CDC27: variants seen among roughly 807,000 people sequenced by gnomAD.
CDC27 encodes the protein cell division cycle protein 27 homolog.
In CDC27, 27 loss-of-function variants were observed where a neutral mutation model predicts 109.7. The ratio of observed to expected loss-of-function variants is 0.25; its 90% CI spans 0.18 to 0.34. The LOEUF is 0.34. CDC27 is among the 10% of genes least tolerant of loss of function. The probability of loss-of-function intolerance (pLI) is 1.00; values close to 1 mark genes in which losing one functional copy is unlikely to be tolerated. For missense variants in CDC27, 579 were observed against 960.2 expected (o/e 0.60, Z 5.25); for synonymous variants, 266 against 333.9 (o/e 0.80, Z 2.22).
At chr17:47,164,156 C>T (rs1419692228) in intron 4 of CDC27, among the ~76,000 whole-genome samples, 1 of 152,150 alleles carries the variant, frequency 6.6e-6, no homozygotes, top group Non-Finnish European at 1.5e-5. Context: ...CTACAGTATT[C>T]AGTAAGGTAA....
At position 47,124,207 on chromosome 17, in the gene CDC27, A is replaced by ACACACC. The variant is rs1290923499; in HGVS notation, c.2161-248_2161-247insGGTGTG. Reference sequence around the variant, plus strand: ...CACACACACACACACACACACACACACACCCCTCTTCGTGAAATATGCAGG... The same window carrying ACACACC: ...CACACACACACACACACACACACACACACACCCACCCCTCTTCGTGAAATATGCAGG... On this transcript the variant is annotated intron_variant, in intron 16 of 18. Transcript: ENST00000066544. 2.6e-5 allele frequency among the ~76,000 whole-genome samples: 4 copies of ACACACC among 151,566 alleles called. 1 individual carries two copies. The highest frequency in any genetic ancestry group is 1.5e-5 in the Non-Finnish European group (1 of 67,864).
intron 16 of CDC27, among the ~76,000 whole-genome samples, chr17:47,128,059 G>A (rs1195882212): frequency 6.6e-6 from 1 of 151,398 alleles, no homozygotes; most frequent in Non-Finnish European, 1.5e-5. Flanking sequence ...GTGAGACAGA[G>A]TGTTGCTGTT....
intron 4 of CDC27, among the ~76,000 whole-genome samples, chr17:47,168,744 G>A (rs914848123): frequency 5.3e-5 from 8 of 152,004 alleles, no homozygotes; most frequent in South Asian, 2.1e-4. Flanking sequence ...ACATACCACC[G>A]TTACACCTGA....
chr17:47,137,221 T>C lies in CDC27; in HGVS notation c.1844A>G (p.Glu615Gly). Residue 615 changes from glutamate (E) to glycine (G), a missense_variant, in exon 14 of 19, where the codon GAA (glutamate) becomes GGA (glycine). This residue lies in a region of CDC27 where 227 missense variants were observed against 363.6 expected (regional missense o/e 0.62). Coordinates refer to ENST00000066544, the MANE Select transcript of CDC27 (RefSeq NM_001256.6). Reference sequence around the variant, plus strand: ...ACAAGCTAATGCTTTGTCCAATTCTTCAGTTAAGACAAACTCATGCCCTAA... The same window carrying C: ...ACAAGCTAATGCTTTGTCCAATTCTCCAGTTAAGACAAACTCATGCCCTAA... Reference protein sequence around the residue: ...TLLGHEFVLTEELDKALACFR... With the variant: ...TLLGHEFVLTGELDKALACFR... 6.2e-7 allele frequency: 1 copy of C among 1,611,962 alleles called. No homozygotes were observed. The highest frequency in any genetic ancestry group is 8.5e-7 in the Non-Finnish European group (1 of 1,179,256).
At chr17:47,159,216 C>T (rs2063414746) in intron 4 of CDC27, 5 of 452,598 alleles carry the variant, frequency 1.1e-5, no homozygotes, top group African/African-American at 2.0e-5. Flanking sequence ...AGCTGGAGCC[C>T]GGGTCCTCTG....
chr17:47,157,479 C>T, intron 5 of CDC27, 95 bp from the exon 6 acceptor site: 3 of 848,424 alleles, frequency 3.5e-6, no homozygotes, highest in African/African-American at 3.4e-5. Flanking sequence ...GGAAATAGGC[C>T]TTATCCAAAC....
chr17:47,141,858 T>G lies in CDC27; in HGVS notation c.1546A>C (p.Met516Leu), dbSNP rs778508192. ...GRAYFELSEY[M>L]QAERIFSEVR... ...TAACCATTTTCTATACTTACTTGCA[T>G]GTACTCTGAAAGTTCAAAATAGGCC... is the stretch of plus-strand genomic sequence containing the variant. Residue 516 changes from methionine (M) to leucine (L), a missense_variant, in exon 12 of 19, where the codon ATG becomes CTG. This residue lies in a region of CDC27 where 227 missense variants were observed against 363.6 expected (regional missense o/e 0.62). Transcript: ENST00000066544. 3.2e-6 allele frequency: 5 copies of G among 1,584,622 alleles called. No homozygotes were observed. In the East Asian group the frequency reaches 9.1e-5, roughly 29 times the overall value.
At position 47,137,310 on chromosome 17, in the gene CDC27, A is replaced by T. The variant is rs773586774; in HGVS notation, c.1755T>A (p.Ile585=). ...TAGCTCTCTGGAAGAATTTAATTGC[A>T]ATATCATGTTCCCGTTGCAGACTGA... ...NCFSLQREHD[I]AIKFFQRAIQ... is the part of the protein sequence containing the mutation. The change falls in exon 14 of 19, where the codon ATT becomes ATA. Residue 585 remains isoleucine (I), a synonymous_variant. Coordinates refer to ENST00000066544, the MANE Select transcript of CDC27 (RefSeq NM_001256.6). 4 of 1,611,276 alleles carry T rather than the reference A, an allele frequency of 2.5e-6. No individual in the cohort carries two copies. Among genetic ancestry groups the T allele is most frequent in the Non-Finnish European group, 3.4e-6 (4 of 1,179,080 alleles).
chr17:47,154,890 G>A, intron 7 of CDC27, 104 bp from the exon 8 acceptor site: 1 of 616,028 alleles, frequency 1.6e-6, no homozygotes, highest in Non-Finnish European at 2.9e-6. Context: ...TGGCAAATCA[G>A]TCTTAGGGAC....
At chr17:47,131,560 G>A (rs2062334559) in intron 15 of CDC27, among the ~76,000 whole-genome samples, 2 of 152,028 alleles carry the variant, frequency 1.3e-5, no homozygotes, top group South Asian at 4.1e-4. Flanking sequence ...AGGGATGAGA[G>A]GATGAGAACA....
In CDC27 at chr17:47,137,191, C is replaced by T. The variant is rs1415264709; in HGVS notation, c.1874G>A (p.Arg625Gln). 9.3e-6 allele frequency: 15 copies of T among 1,609,452 alleles called. No homozygotes were observed. The highest frequency in any genetic ancestry group is 2.2e-5 in the East Asian group (1 of 44,810). ...EELDKALACF[R>Q]NAIRVNPRHY... ...TCTAGGATTGACTCTGATAGCATTTCGAAAACAAGCTAATGCTTTGTCCAA... is the reference window on the plus strand; with the variant it reads ...TCTAGGATTGACTCTGATAGCATTTTGAAAACAAGCTAATGCTTTGTCCAA... The change falls in exon 14 of 19, where the codon CGA becomes CAA. Residue 625 changes from arginine to glutamine, a missense_variant. Arg to Gln is a conservative substitution (Grantham distance 43). Coordinates refer to ENST00000066544, the MANE Select transcript of CDC27 (RefSeq NM_001256.6).
chr17:47,177,599 G>C (rs2064065170), intron 2 of CDC27, among the ~76,000 whole-genome samples: 3 of 152,080 alleles, frequency 2.0e-5, no homozygotes, highest in African/African-American at 7.3e-5. Flanking sequence ...TTGCAGTGTG[G>C]GATGTAAAAC....
At chr17:47,124,092 G>T in intron 16 of CDC27, 132 bp from the exon 17 acceptor site, 1 of 543,248 alleles carries the variant, frequency 1.8e-6, no homozygotes, top group Non-Finnish European at 3.2e-6. Flanking sequence ...CTTCCTTATT[G>T]TATTAGTTCT....
chr17:47,188,791 A>G (rs2064552114), intron 1 of CDC27: 3 of 1,161,576 alleles, frequency 2.6e-6, no homozygotes, highest in Admixed American at 3.9e-5. Context: ...CTTCTCGATC[A>G]TCTTTTAGGC....
At chr17:47,174,952 G>A (rs1202374822) in intron 2 of CDC27, among the ~76,000 whole-genome samples, 2 of 147,874 alleles carry the variant, frequency 1.4e-5, no homozygotes, top group East Asian at 2.0e-4. Flanking sequence ...AAACTCGGTC[G>A]AAACAGGACT....
At chr17:47,126,148 T>C (rs549268414) in intron 16 of CDC27, among the ~76,000 whole-genome samples, 4 of 152,222 alleles carry the variant, frequency 2.6e-5, no homozygotes, top group Non-Finnish European at 5.9e-5. Flanking sequence ...GATGTTGAAA[T>C]GGCCCCCTTG....
At chr17:47,133,722 G>C (rs924726543) in intron 14 of CDC27, among the ~76,000 whole-genome samples, 1 of 152,104 alleles carries the variant, frequency 6.6e-6, no homozygotes, top group South Asian at 2.1e-4. Flanking sequence ...GGGATTACAG[G>C]CATGAGCCAC....
rs376251163 is a variant in CDC27 at position 47,151,991 on chromosome 17, T to C, written c.958-73A>G. 9.3e-6 allele frequency: 13 copies of C among 1,392,126 alleles called. No homozygotes were observed. In the African/African-American group the frequency reaches 1.7e-4, roughly 19 times the overall value. The allele number at this position is 1,392,126 out of a possible 1,614,324, so 86.2% of individuals were successfully genotyped here. A position where few individuals can be genotyped will look rare whatever the true frequency, so the allele number is the denominator to read the frequency against. On this transcript the variant is annotated intron_variant, in intron 8 of 18. Transcript: ENST00000066544. ...TAAATGATAAAAGACAACACAACGC[T>C]CCCATCTACATTTTCTCAATACAAG...
rs1056331693 is a variant in CDC27, at chr17:47,157,311, A to G, written c.549T>C (p.Ser183=). ...LQNFSNCLPN[S]CTTQVPNHSL... is the part of the protein sequence containing the mutation. The stretch of plus-strand genomic sequence containing the variant: ...TATGATTAGGTACTTGTGTTGTGCA[A>G]GAGTTGGGCAGACAGTTGCTAAAGT... Residue 183 remains serine (S), a synonymous_variant, in exon 6 of 19, where the codon TCT becomes TCC. Transcript: ENST00000066544. 7.4e-6 allele frequency: 12 copies of G among 1,612,606 alleles called. No individual in the cohort carries two copies. In the African/African-American group the frequency reaches 1.6e-4, roughly 22 times the overall value.
Sources: gnomAD v4.1 joint callset for allele counts (sites outside exome capture counted in the v4.1 genomes callset) on GRCh38, gnomAD v4.1.1 for gene constraint, gnomAD v4.1.1 regional missense constraint, MANE v1.5 for transcripts, NCBI Gene and HGNC (gene_info 2026-07-23, HGNC 2026-07-21) for gene names.